The following DOCK1 variants were observed in gnomAD, a reference collection of about 807,000 sequenced individuals.
DOCK1 encodes the protein dedicator of cytokinesis protein 1.
DOCK1 carries 138 observed loss-of-function variants against 262.7 expected under a neutral mutation model. That is an observed-to-expected ratio of 0.53 (90% CI 0.46 to 0.61). The LOEUF (loss-of-function observed/expected upper bound fraction) is 0.61. Among genes scored for constraint, DOCK1 ranks in the 20% least tolerant of loss-of-function variants. DOCK1 has a pLI of 0.00. For missense variants in DOCK1, 1,908 were observed against 2,370.7 expected, an observed-to-expected ratio of 0.80 and a Z score of 4.05; for synonymous variants, 866 against 867.4, an observed-to-expected ratio of 1.00 and a Z score of 0.03.
At chr10:127,022,044 A>G (rs2042465907) in intron 13 of DOCK1, among the ~76,000 whole-genome samples, 1 of 152,056 alleles carries the variant, frequency 6.6e-6, no homozygotes, top group Non-Finnish European at 1.5e-5. Flanking sequence ...TCATGTTACT[A>G]ATGAAGCTTG....
At chr10:127,193,391 G>A (rs1018805900) in intron 27 of DOCK1, among the ~76,000 whole-genome samples, 1 of 152,178 alleles carries the variant, frequency 6.6e-6, no homozygotes, top group Non-Finnish European at 1.5e-5. Context: ...CTTCACAAGC[G>A]TTAAAATCCG....
At chr10:127,312,154 T>G (rs1275438305) in intron 29 of DOCK1, among the ~76,000 whole-genome samples, 2 of 152,328 alleles carry the variant, frequency 1.3e-5, no homozygotes, top group Middle Eastern at 3.4e-3. Context: ...GAGCTCTTGA[T>G]GCCTAAGAGC....
chr10:126,959,626 G>C (rs2037035329), intron 1 of DOCK1, among the ~76,000 whole-genome samples: 2 of 152,214 alleles, frequency 1.3e-5, no homozygotes, highest in African/African-American at 4.8e-5. Flanking sequence ...GACCTCCTCA[G>C]TCTTTGCTGC....
rs2068787078 is a variant in DOCK1, at chr10:127,425,983, T to C, written c.4886T>C (p.Val1629Ala). The change falls in exon 47 of 52, where the codon GTG (valine) becomes GCG (alanine). Residue 1629 changes from valine to alanine, a missense_variant. Val to Ala is a moderately conservative substitution (Grantham distance 64). This residue lies in a region of DOCK1 where 383 missense variants were observed against 420.1 expected (regional missense o/e 0.91). Transcript: ENST00000623213. ...TGTTTCAAACAGCTGAAGGAAAAGG[T>C]GGAGAAAGAGTACGGCGTCCGAATC... ...EACFKQLKEK[V>A]EKEYGVRIMP... 1.2e-6 allele frequency: 2 copies of C among 1,613,612 alleles called. No individual in the cohort carries two copies. The highest frequency in any genetic ancestry group is 4.5e-5 in the East Asian group (2 of 44,846).
chr10:127,044,603 G>A (rs1387503233), intron 21 of DOCK1, among the ~76,000 whole-genome samples: 1 of 152,098 alleles, frequency 6.6e-6, no homozygotes, highest in Non-Finnish European at 1.5e-5. Flanking sequence ...AACGTAGCAC[G>A]GCCTCCACGT....
chr10:127,101,671 C>T (rs1238959841), intron 23 of DOCK1, among the ~76,000 whole-genome samples: 1 of 152,184 alleles, frequency 6.6e-6, no homozygotes, highest in African/African-American at 2.4e-5. Flanking sequence ...CTGTCGGTCC[C>T]GATTCACACA....
At chr10:127,419,784 G>T in intron 46 of DOCK1, 35 bp downstream of exon 46, 1 of 1,557,440 alleles carries the variant, frequency 6.4e-7, no homozygotes, top group East Asian at 2.4e-5. Context: ...CATGGCTGGA[G>T]GGAAGGAAAG....
In DOCK1 at chr10:127,012,276, C is replaced by T; in HGVS notation, c.1103C>T (p.Ser368Leu). ...ATTCGACACAAGCCGCTGAACATGT[C>T]ATCCCGTTTTTCACCCAGGGTGGCA... ...DAIRHKPLNM[S>L]SRFSPRVAGE... Residue 368 changes from serine to leucine, a missense_variant, in exon 12 of 52, where the codon TCA becomes TTA. Ser to Leu is a moderately radical substitution (Grantham distance 145). Around this residue, in one of 9 missense-constraint regions of DOCK1, gnomAD observed 57 missense variants for 39.7 expected, o/e 1.44. Coordinates refer to ENST00000623213, the MANE Select transcript of DOCK1 (RefSeq NM_001290223.2). This position sits in a 1 kb window ranked among gnomAD's most constrained non-coding sequence, Gnocchi z 4.0. 1 of 1,613,678 alleles carries T rather than the reference C, an allele frequency of 6.2e-7. No homozygotes were observed. The highest frequency in any genetic ancestry group is 8.5e-7 in the Non-Finnish European group (1 of 1,179,574).
intron 23 of DOCK1, among the ~76,000 whole-genome samples, chr10:127,064,187 C>T (rs567335196): frequency 3.9e-5 from 6 of 152,308 alleles, no homozygotes; most frequent in Admixed American, 6.5e-5. Flanking sequence ...TGGTACCAAA[C>T]GGTTGGTACC....
intron 27 of DOCK1, among the ~76,000 whole-genome samples, chr10:127,232,069 G>A (rs961745849): frequency 3.3e-5 from 5 of 152,048 alleles, no homozygotes; most frequent in African/African-American, 1.2e-4. Flanking sequence ...AGGGAAGGAA[G>A]TGAGCCAGGT....
intron 23 of DOCK1, among the ~76,000 whole-genome samples, chr10:127,078,839 C>T (rs893626412): frequency 6.6e-6 from 1 of 152,142 alleles, no homozygotes; most frequent in Non-Finnish European, 1.5e-5. Context: ...GAATGGAAAA[C>T]CAAACATGGA....
intron 50 of DOCK1, among the ~76,000 whole-genome samples, chr10:127,445,464 A>G (rs896516616): frequency 8.5e-5 from 13 of 152,182 alleles, no homozygotes; most frequent in African/African-American, 2.9e-4. Flanking sequence ...CTTTCTGGGC[A>G]CTGGATATGT....
intron 1 of DOCK1, among the ~76,000 whole-genome samples, chr10:126,920,946 C>A (rs1200281490): frequency 6.6e-6 from 1 of 152,144 alleles, no homozygotes; most frequent in Admixed American, 6.6e-5. Context: ...CCTGTAATCC[C>A]AGCACGTTGG....
At chr10:127,395,694 G>T (rs758577864) in intron 38 of DOCK1, among the ~76,000 whole-genome samples, 1 of 152,188 alleles carries the variant, frequency 6.6e-6, no homozygotes, top group Non-Finnish European at 1.5e-5. Context: ...AGCCAGAGAC[G>T]AGACGAGGGG....
chr10:127,393,742 ATTC>A (rs771592873), intron 38 of DOCK1, among the ~76,000 whole-genome samples: 2 of 152,190 alleles, frequency 1.3e-5, no homozygotes, highest in Non-Finnish European at 2.9e-5. Context: ...CCACGGAATC[ATTC>A]TTCTGTTTTT....
intron 27 of DOCK1, among the ~76,000 whole-genome samples, chr10:127,130,334 C>T (rs2050247968): frequency 6.6e-6 from 1 of 152,156 alleles, no homozygotes; most frequent in Non-Finnish European, 1.5e-5. Context: ...GATCCATCCG[C>T]TTCGGCCTCC....
intron 23 of DOCK1, among the ~76,000 whole-genome samples, chr10:127,067,932 C>T (rs549158128): frequency 1.2e-3 from 183 of 152,130 alleles, no homozygotes; most frequent in Middle Eastern, 3.4e-3. Flanking sequence ...GCCCCCCAAG[C>T]TGAGGTTGGC....
At chr10:127,436,775 T>A (rs2069717165) in intron 48 of DOCK1, among the ~76,000 whole-genome samples, 1 of 152,194 alleles carries the variant, frequency 6.6e-6, no homozygotes, top group African/African-American at 2.4e-5. Flanking sequence ...ATAGTTTATT[T>A]CACACCAAAA....
chr10:127,261,192 G>GGTGT (rs147196926), intron 29 of DOCK1, among the ~76,000 whole-genome samples: 13 of 98,082 alleles, frequency 1.3e-4, no homozygotes, highest in East Asian at 1.0e-3. Context: ...TGTGCATGCG[G>GGTGT]GTGTGTGTGT....
Sources: gnomAD v4.1 joint callset for allele counts (sites outside exome capture counted in the v4.1 genomes callset) on GRCh38, gnomAD v4.1.1 for gene constraint, gnomAD v4.1.1 regional missense constraint, Gnocchi (gnomAD v3.1) non-coding constraint, MANE v1.5 for transcripts, NCBI Gene and HGNC (gene_info 2026-07-23, HGNC 2026-07-21) for gene names.